KDM2B: variants seen among roughly 807,000 people sequenced by gnomAD.
KDM2B encodes lysine-specific demethylase 2B.
In KDM2B, 26 loss-of-function variants were observed where a neutral mutation model predicts 150.0. The observed-to-expected ratio is 0.17, with a 90% CI of 0.13 to 0.24. KDM2B has a LOEUF of 0.24. Among genes scored for constraint, KDM2B ranks in the 10% least tolerant of loss-of-function variants. KDM2B has a pLI of 1.00. For missense variants in KDM2B, 1,265 were observed against 1,816.9 expected, an observed-to-expected ratio of 0.70 and a Z score of 5.52; for synonymous variants, 734 against 729.5, an observed-to-expected ratio of 1.01 and a Z score of -0.10.
At chr12:121,433,232 T>A in intron 22 of KDM2B, 2 of 456,630 alleles carry the variant, frequency 4.4e-6, no homozygotes, top group South Asian at 3.1e-5. Context: ...CTTTCTTTGG[T>A]CCCTCTGTGC....
the KDM2B span, chr12:121,418,751 C>T: frequency 1.3e-5 from 2 of 152,142 alleles, no homozygotes; most frequent in Admixed American, 6.5e-5. Context: ...GGCAGAGTCT[C>T]ACTCTGTTGC....
At chr12:121,486,931 C>T (rs1373250104) in intron 12 of KDM2B, among the ~76,000 whole-genome samples, 1 of 152,048 alleles carries the variant, frequency 6.6e-6, no homozygotes, top group Non-Finnish European at 1.5e-5. Flanking sequence ...TATGATTGAG[C>T]CACTGCACTC....
In KDM2B at chr12:121,537,005, T is replaced by C. The variant is rs1257308783; in HGVS notation, c.684-2415A>G. Among the ~76,000 whole-genome samples the C allele has an allele frequency of 1.3e-5, 2 of 152,226 alleles. No individual in the cohort carries two copies. The highest frequency in any genetic ancestry group is 2.9e-5 in the Non-Finnish European group (2 of 68,024). On this transcript the variant is annotated intron_variant, in intron 6 of 22. Coordinates refer to ENST00000377071, the MANE Select transcript of KDM2B (RefSeq NM_032590.5). The surrounding 1 kb of genome is among the most constrained non-coding windows in gnomAD (Gnocchi z 8.7). ...AAGTTCTCCAAGTTGAGTCTGTGTCTGATCTGCCCTCTGGGTCACCCTCCA... is the reference window on the plus strand; with the variant it reads ...AAGTTCTCCAAGTTGAGTCTGTGTCCGATCTGCCCTCTGGGTCACCCTCCA...
rs781917050 is a variant in KDM2B, at chr12:121,445,342, C to G, written c.2036G>C (p.Gly679Ala). The G allele has an allele frequency of 6.2e-7, 1 of 1,613,368 alleles. No homozygotes were observed. Among genetic ancestry groups the G allele is most frequent in the African/African-American group, 1.3e-5 (1 of 74,914 alleles). Residue 679 changes from glycine to alanine, a missense_variant, in exon 14 of 23, where the codon GGC (glycine) becomes GCC (alanine). Gly to Ala is a moderately conservative substitution (Grantham distance 60). Coordinates refer to ENST00000377071, the MANE Select transcript of KDM2B (RefSeq NM_032590.5). Reference sequence around the variant, plus strand: ...CTCCATGAGCATGAGGTTAAACTTGCCTTCCTCCTCTTCCACCGTGTCTTC... The same window carrying G: ...CTCCATGAGCATGAGGTTAAACTTGGCTTCCTCCTCTTCCACCGTGTCTTC... The part of the protein sequence containing the change: ...GKEDTVEEEE[G>A]KFNLMLMECS...
In KDM2B at chr12:121,478,794, C is replaced by T. The variant is rs182353375; in HGVS notation, c.1734+15785G>A. On this transcript the variant is annotated intron_variant, in intron 12 of 22. Coordinates refer to ENST00000377071, the MANE Select transcript of KDM2B (RefSeq NM_032590.5). ...TCTCCGTTGCCCAGGCTCAAGCAAT[C>T]CTCCCACCTCAGCCTCCCAAGCAGC... Among the ~76,000 whole-genome samples, 267 of 151,850 alleles carry T rather than the reference C, an allele frequency of 1.8e-3. 1 individual carries two copies. The highest frequency in any genetic ancestry group is 6.2e-3 in the African/African-American group (255 of 41,378).
chr12:121,474,056 T>G (rs1432157047), intron 12 of KDM2B, among the ~76,000 whole-genome samples: 1 of 152,120 alleles, frequency 6.6e-6, no homozygotes, highest in Non-Finnish European at 1.5e-5. Context: ...GAAAGCAGAT[T>G]AGCGGTTGCC....
At chr12:121,543,046 A>G (rs1314852563) in intron 6 of KDM2B, among the ~76,000 whole-genome samples, 1 of 152,194 alleles carries the variant, frequency 6.6e-6, no homozygotes, top group Admixed American at 6.6e-5. Flanking sequence ...AAGTATCTCA[A>G]CTAAAATAAA....
intron 12 of KDM2B, among the ~76,000 whole-genome samples, chr12:121,479,459 C>G (rs1425996510): frequency 1.0e-5 from 1 of 95,612 alleles, no homozygotes; most frequent in Admixed American, 1.1e-4. Context: ...AGAGCGAGAC[C>G]CTGTCTCAAA....
At chr12:121,559,334 G>A (rs1890154196) in intron 4 of KDM2B, among the ~76,000 whole-genome samples, 1 of 151,816 alleles carries the variant, frequency 6.6e-6, no homozygotes, top group Non-Finnish European at 1.5e-5. Context: ...TGGACTTCCA[G>A]GTCTATGGGA....
chr12:121,441,283 G>GA, intron 19 of KDM2B, 50 bp from the exon 20 acceptor site: 1 of 1,570,568 alleles, frequency 6.4e-7, no homozygotes, highest in Non-Finnish European at 8.7e-7. Flanking sequence ...GGCTCCTCTA[G>GA]GGAGCCCACA....
At chr12:121,487,597 C>T (rs566961110) in intron 12 of KDM2B, among the ~76,000 whole-genome samples, 1 of 152,280 alleles carries the variant, frequency 6.6e-6, no homozygotes, top group East Asian at 1.9e-4. Context: ...CCAGACCCGT[C>T]GTGCCCTCAG....
Position 121,467,478 on chromosome 12 carries a change from G to A in KDM2B, c.1735-14134C>T. The A allele has an allele frequency of 2.3e-6, 1 of 432,174 alleles. No individual in the cohort carries two copies. Among genetic ancestry groups the A allele is most frequent in the Non-Finnish European group, 3.1e-6 (1 of 326,906 alleles). 26.8% of individuals were successfully genotyped at this position (432,174 alleles called of 1,614,324 possible). On this transcript the variant is annotated intron_variant, in intron 12 of 22. Coordinates refer to ENST00000377071, the MANE Select transcript of KDM2B (RefSeq NM_032590.5). The surrounding 1 kb of genome is among the most constrained non-coding windows in gnomAD (Gnocchi z 5.1). ...TGGCCCCCCGGGCGGGCGGGCCAAT[G>A]GCGCGGCCGCGGCGCTGGGGCCGCA... is the stretch of plus-strand genomic sequence containing the variant.
Position 121,520,869 on chromosome 12 carries a change from A to G in KDM2B, c.1047+116T>C. The G allele has an allele frequency of 2.4e-6, 1 of 425,418 alleles. No homozygotes were observed. The highest frequency in any genetic ancestry group is 2.7e-5 in the Admixed American group (1 of 37,334). The allele number at this position is 425,418 out of a possible 1,614,324, so 26.4% of individuals were successfully genotyped here. ...AGGACTGAAGCCAGCTTGAGAGAGGAATCGGGAGGGAGAGGGGAACTGTGG... is the reference window on the plus strand; with the variant it reads ...AGGACTGAAGCCAGCTTGAGAGAGGGATCGGGAGGGAGAGGGGAACTGTGG... On this transcript the variant is annotated intron_variant, in intron 9 of 22. Transcript: ENST00000377071. This position sits in a 1 kb window ranked among gnomAD's most constrained non-coding sequence, Gnocchi z 4.5.
chr12:121,446,284 G>C (rs1876237697), intron 13 of KDM2B, among the ~76,000 whole-genome samples: 2 of 152,184 alleles, frequency 1.3e-5, no homozygotes, highest in South Asian at 2.1e-4. Context: ...TGTAGTCCCA[G>C]CTACTCGGGA....
intron 12 of KDM2B, among the ~76,000 whole-genome samples, chr12:121,474,697 AATG>A (rs1881158352): frequency 6.6e-6 from 1 of 152,208 alleles, no homozygotes; most frequent in African/African-American, 2.4e-5. Context: ...TCACGCCTGT[AATG>A]CCAGCACTTT....
At chr12:121,474,570 G>A (rs150687030) in intron 12 of KDM2B, among the ~76,000 whole-genome samples, 3 of 152,150 alleles carry the variant, frequency 2.0e-5, no homozygotes, top group African/African-American at 4.8e-5. Flanking sequence ...AGCATATACA[G>A]TCATGCTCTT....
At chr12:121,517,090 T>C (rs1334606711) in intron 9 of KDM2B, among the ~76,000 whole-genome samples, 2 of 152,066 alleles carry the variant, frequency 1.3e-5, no homozygotes, top group Non-Finnish European at 2.9e-5. Context: ...AATTTAATGA[T>C]CATTTGGACC....
chr12:121,579,665 G>A, intron 1 of KDM2B: 1 of 1,370,492 alleles, frequency 7.3e-7, no homozygotes, highest in Middle Eastern at 1.9e-4. Flanking sequence ...TTCCTAAGGA[G>A]ACTCCCCCAC....
chr12:121,430,340 A>G lies in KDM2B; in HGVS notation c.3959T>C (p.Val1320Ala). ...TTCTACTTGCCCAAACTGGACACTC[A>G]CAGACATCTCGGCTATGAACTGCTC... ...GCEQFIAEMS[V>A]SVQFGQVEEK... The change falls in exon 23 of 23, where the codon GTG becomes GCG. Residue 1320 changes from valine to alanine, a missense_variant. This residue lies in a region of KDM2B where 251 missense variants were observed against 397.8 expected (regional missense o/e 0.63). Coordinates refer to ENST00000377071, the MANE Select transcript of KDM2B (RefSeq NM_032590.5). This position sits in a 1 kb window ranked among gnomAD's most constrained non-coding sequence, Gnocchi z 4.4. The G allele has an allele frequency of 6.2e-7, 1 of 1,614,098 alleles. No individual in the cohort carries two copies. The highest frequency in any genetic ancestry group is 8.5e-7 in the Non-Finnish European group (1 of 1,180,032).
Sources: allele counts gnomAD v4.1 joint callset (sites outside exome capture counted in the v4.1 genomes callset), GRCh38; gene constraint gnomAD v4.1.1; regional missense constraint gnomAD v4.1.1; non-coding constraint Gnocchi (gnomAD v3.1); transcripts MANE v1.5; gene names NCBI Gene and HGNC (gene_info 2026-07-23, HGNC 2026-07-21).